Variants in ZNF587 observed in about 807,000 individuals in gnomAD.
ZNF587 encodes the protein zinc finger protein 587.
ZNF587 carries 8 observed loss-of-function variants against 7.5 expected under a neutral mutation model. That is an observed-to-expected ratio of 1.06 (90% CI 0.62 to 1.92). The LOEUF is 1.92. Among genes scored for constraint, ZNF587 ranks in the 40% most tolerant of loss-of-function variants. ZNF587 has a pLI of 0.00. For synonymous variants in ZNF587, 145 were observed against 237.8 expected (o/e 0.61, Z 3.59); for missense variants, 468 against 692.8 (o/e 0.68, Z 3.64).
intron 1 of ZNF587, among the ~76,000 whole-genome samples, chr19:57,854,293 C>T (rs2375150): frequency 6.6e-6 from 1 of 151,322 alleles, no homozygotes; most frequent in South Asian, 2.1e-4. Flanking sequence ...AGGGCCATGG[C>T]TATCTGAAGC....
At position 57,850,015 on chromosome 19, in the gene ZNF587, G is replaced by A. The variant is rs1484944256; in HGVS notation, c.-24G>A. On this transcript the variant is annotated 5_prime_UTR_variant, in exon 1 of 3. Transcript: ENST00000339656. ...CCCGTGACGGCGACCACTGCTCCCG[G>A]GCCGTGCTTCCCCAAGTAGTCCGAT... 2 of 1,614,078 alleles carry A rather than the reference G, an allele frequency of 1.2e-6. No homozygotes were observed. The highest frequency in any genetic ancestry group is 4.5e-5 in the East Asian group (2 of 44,890).
At position 57,859,737 on chromosome 19, in the gene ZNF587, G is replaced by A. The variant is rs1190144827; in HGVS notation, c.1325G>A (p.Gly442Glu). The A allele has an allele frequency of 6.2e-7, 1 of 1,613,616 alleles. No homozygotes were observed. The highest frequency in any genetic ancestry group is 8.5e-7 in the Non-Finnish European group (1 of 1,179,924). Reference protein sequence around the residue: ...GERPYNCRECGKLFNRKYHLL... With the variant: ...GERPYNCRECEKLFNRKYHLL... ...AGACCTTACAATTGTAGGGAATGTG[G>A]GAAATTATTTAACAGGAAGTATCAT... The change falls in exon 3 of 3, where the codon GGG (glycine) becomes GAG (glutamate). Residue 442 changes from glycine (G) to glutamate (E), a missense_variant. By Grantham distance (98) the Gly-to-Glu change is moderately conservative (BLOSUM62 -2). Around this residue, in one of 5 missense-constraint regions of ZNF587, gnomAD observed 310 missense variants for 325.6 expected, o/e 0.95. Coordinates refer to ENST00000339656, the MANE Select transcript of ZNF587 (RefSeq NM_032828.4).
At position 57,859,916 on chromosome 19, in the gene ZNF587, C is replaced by T. The variant is rs749263536; in HGVS notation, c.1504C>T (p.Leu502Phe). The change falls in exon 3 of 3, where the codon CTT becomes TTT. Residue 502 changes from leucine to phenylalanine, a missense_variant. Transcript: ENST00000339656. Reference protein sequence around the residue: ...YECSECGKSFLSSSALHVHKR... With the variant: ...YECSECGKSFFSSSALHVHKR... Reference sequence around the variant, plus strand: ...ATGCAGTGAATGTGGGAAATCATTTCTTTCCAGCTCTGCGCTTCATGTTCA... The same window carrying T: ...ATGCAGTGAATGTGGGAAATCATTTTTTTCCAGCTCTGCGCTTCATGTTCA... The T allele has an allele frequency of 5.0e-6, 8 of 1,613,992 alleles. No individual in the cohort carries two copies. The Admixed American group carries it at 8.3e-5, about 17-fold the overall frequency.
intron 2 of ZNF587, chr19:57,858,116 C>T (rs1321301419): frequency 1.2e-5 from 2 of 162,128 alleles, no homozygotes; most frequent in Admixed American, 1.2e-4. Context: ...TTCTAAGAAG[C>T]CCCATCTTTT....
At chr19:57,852,001 C>A (rs2071286908) in intron 1 of ZNF587, 3 of 232,062 alleles carry the variant, frequency 1.3e-5, no homozygotes, top group Middle Eastern at 1.3e-3. Flanking sequence ...TTTGTAATGT[C>A]TGCCTTTCCC....
intron 1 of ZNF587, 177 bp downstream of exon 1, chr19:57,850,248 A>G: frequency 9.3e-7 from 1 of 1,072,036 alleles, no homozygotes; most frequent in Non-Finnish European, 1.4e-6. Context: ...CCAGCTGCCT[A>G]GACAGAGCCG....
In ZNF587 at chr19:57,859,557, G is replaced by C; in HGVS notation, c.1145G>C (p.Cys382Ser). Residue 382 changes from cysteine (C) to serine (S), a missense_variant, in exon 3 of 3, where the codon TGT becomes TCT. Physicochemically the swap from Cys to Ser is moderately radical, Grantham distance 112. Transcript: ENST00000339656. ...RVHTGERPYKCGECGKSFGQK... is the reference protein window; with the variant it reads ...RVHTGERPYKSGECGKSFGQK... Reference sequence around the variant, plus strand: ...CACACTGGAGAAAGGCCTTACAAGTGTGGAGAATGTGGGAAATCTTTTGGT... The same window carrying C: ...CACACTGGAGAAAGGCCTTACAAGTCTGGAGAATGTGGGAAATCTTTTGGT... 6.2e-7 allele frequency: 1 copy of C among 1,614,028 alleles called. No individual in the cohort carries two copies. Among genetic ancestry groups the C allele is most frequent in the South Asian group, 1.1e-5 (1 of 91,080 alleles).
chr19:57,855,462 A>G (rs1186927329), intron 1 of ZNF587, among the ~76,000 whole-genome samples: 2 of 151,904 alleles, frequency 1.3e-5, no homozygotes, highest in Non-Finnish European at 2.9e-5. Context: ...AAAGAATGAT[A>G]TATATTTAAT....
At position 57,850,042 on chromosome 19, in the gene ZNF587, G is replaced by T; in HGVS notation, c.4G>T (p.Ala2Ser). The T allele has an allele frequency of 6.2e-7, 1 of 1,614,260 alleles. No individual in the cohort carries two copies. Among genetic ancestry groups the T allele is most frequent in the Non-Finnish European group, 8.5e-7 (1 of 1,180,054 alleles). M[A>S]AAVPRRPTQQ... ...CCGTGCTTCCCCAAGTAGTCCGATG[G>T]CAGCGGCTGTGCCGAGGCGCCCAAC... The change falls in exon 1 of 3, where the codon GCA becomes TCA. Residue 2 changes from alanine (A) to serine (S), a missense_variant. Ala to Ser is a moderately conservative substitution (Grantham distance 99). This residue lies in a region of ZNF587 where 92 missense variants were observed against 89.7 expected (regional missense o/e 1.03). Transcript: ENST00000339656.
chr19:57,854,394 T>C (rs2071323476), intron 1 of ZNF587, among the ~76,000 whole-genome samples: 1 of 152,000 alleles, frequency 6.6e-6, no homozygotes, highest in African/African-American at 2.4e-5. Context: ...CCATGGAAAT[T>C]CTGTGTTAAT....
rs1182459550 is a variant in ZNF587, at chr19:57,861,040, C to G, written c.*900C>G. 1 of 151,488 alleles carries G rather than the reference C, an allele frequency of 6.6e-6. No homozygotes were observed. The highest frequency in any genetic ancestry group is 2.4e-5 in the African/African-American group (1 of 41,258). The allele number at this position is 151,488 out of a possible 1,614,324, so 9.4% of individuals were successfully genotyped here. A position where few individuals can be genotyped will look rare whatever the true frequency, so the allele number is the denominator to read the frequency against. ...GCCTGGATAACTTTTTTTTTTATTT[C>G]TATTAGCAATGGGGTTTCACCATGC... On this transcript the variant is annotated 3_prime_UTR_variant, in exon 3 of 3. Coordinates refer to ENST00000339656, the MANE Select transcript of ZNF587 (RefSeq NM_032828.4).
chr19:57,855,931 C>A, intron 1 of ZNF587, 173 bp from the exon 2 acceptor site: 2 of 1,139,734 alleles, frequency 1.8e-6, no homozygotes, highest in South Asian at 3.2e-5. Flanking sequence ...CTTCTTGTTG[C>A]TGATGGCATT....
chr19:57,860,357 C>G lies in ZNF587; in HGVS notation c.*217C>G, dbSNP rs1332995891. 1.2e-6 allele frequency: 1 copy of G among 800,434 alleles called. No individual in the cohort carries two copies. The highest frequency in any genetic ancestry group is 1.7e-5 in the African/African-American group (1 of 57,534). 49.6% of individuals were successfully genotyped at this position (800,434 alleles called of 1,614,324 possible). A position where few individuals can be genotyped will look rare whatever the true frequency, so the allele number is the denominator to read the frequency against. Reference sequence around the variant, plus strand: ...AGTCTTGGCTCGCTGCAACTTGGGCCTCCTGGGTTCATGCAATCCTCCTAC... The same window carrying G: ...AGTCTTGGCTCGCTGCAACTTGGGCGTCCTGGGTTCATGCAATCCTCCTAC... On this transcript the variant is annotated 3_prime_UTR_variant, in exon 3 of 3. Coordinates refer to ENST00000339656, the MANE Select transcript of ZNF587 (RefSeq NM_032828.4).
At position 57,859,971 on chromosome 19, in the gene ZNF587, A is replaced by G. The variant is rs376537766; in HGVS notation, c.1559A>G (p.Tyr520Cys). 1.1e-4 allele frequency: 171 copies of G among 1,614,118 alleles called. No individual in the cohort carries two copies. Among genetic ancestry groups the G allele is most frequent in the Non-Finnish European group, 1.3e-4 (150 of 1,179,984 alleles). The change falls in exon 3 of 3, where the codon TAT becomes TGT. Residue 520 changes from tyrosine to cysteine, a missense_variant. Transcript: ENST00000339656. Reference sequence around the variant, plus strand: ...AGAGTTCATTCTGGACAAAAGCCTTATAAGTGCAGTGAATGTGGAAAATCC... The same window carrying G: ...AGAGTTCATTCTGGACAAAAGCCTTGTAAGTGCAGTGAATGTGGAAAATCC... The part of the protein sequence containing the change: ...HKRVHSGQKP[Y>C]KCSECGKSFS...
At chr19:57,850,101 T>A in intron 1 of ZNF587, 30 bp downstream of exon 1, 1 of 1,614,154 alleles carries the variant, frequency 6.2e-7, no homozygotes, top group Non-Finnish European at 8.5e-7. Flanking sequence ...TGCCCTCAGG[T>A]CACCCCATCG....
rs2071437337 is a variant in ZNF587 at position 57,861,863 on chromosome 19, C to G, written c.*1723C>G. The G allele has an allele frequency of 6.6e-6, 1 of 150,920 alleles. No individual in the cohort carries two copies. The highest frequency in any genetic ancestry group is 1.5e-5 in the Non-Finnish European group (1 of 67,902). The allele number at this position is 150,920 out of a possible 1,614,324, so 9.3% of individuals were successfully genotyped here. The stretch of plus-strand genomic sequence containing the variant: ...TCTCGGCCCACTGCAACCTCCACCT[C>G]CTGTGTTCAAGCGATTCTGCCTCAG... On this transcript the variant is annotated 3_prime_UTR_variant, in exon 3 of 3. Coordinates refer to ENST00000339656, the MANE Select transcript of ZNF587 (RefSeq NM_032828.4).
Position 57,859,823 on chromosome 19 carries a change from AAAT to A in ZNF587, c.1412_1414del (p.Lys471_Leu472delinsIle). ...GCCATATGCGTGTGAGGTATGTGGG[AAAT>A]TATTTGGCAATAAGCACAGCGTGAC... On this transcript the variant is annotated inframe_deletion, in exon 3 of 3. Transcript: ENST00000339656. The A allele has an allele frequency of 6.2e-7, 1 of 1,614,220 alleles. No homozygotes were observed. The highest frequency in any genetic ancestry group is 8.5e-7 in the Non-Finnish European group (1 of 1,180,022).
At position 57,850,912 on chromosome 19, in the gene ZNF587, C is replaced by T. The variant is rs574425091; in HGVS notation, c.33+841C>T. 10 of 201,140 alleles carry T rather than the reference C, an allele frequency of 5.0e-5. No homozygotes were observed. The East Asian group carries it at 5.4e-4, about 11-fold the overall frequency. The allele number at this position is 201,140 out of a possible 1,614,324, so 12.5% of individuals were successfully genotyped here. On this transcript the variant is annotated intron_variant, in intron 1 of 2. Coordinates refer to ENST00000339656, the MANE Select transcript of ZNF587 (RefSeq NM_032828.4). ...TGAACAAAGGCGTGTGTCTAAACTA[C>T]TTAAGATCTTTAACTTAACTGAAAC...
intron 1 of ZNF587, chr19:57,850,722 G>A (rs1297936621): frequency 5.0e-6 from 2 of 396,670 alleles, no homozygotes; most frequent in Non-Finnish European, 8.9e-6. Context: ...GCTTCCTGGC[G>A]GCCCAGAGCT....
Sources: gnomAD v4.1 joint callset for allele counts (sites outside exome capture counted in the v4.1 genomes callset) on GRCh38, gnomAD v4.1.1 for gene constraint, gnomAD v4.1.1 regional missense constraint, MANE v1.5 for transcripts, NCBI Gene and HGNC (gene_info 2026-07-23, HGNC 2026-07-21) for gene names.